CSMD1: variants seen among roughly 807,000 people sequenced by gnomAD.
CSMD1 encodes the protein CUB and Sushi multiple domains 1, also known as CUB and sushi domain-containing protein 1.
A neutral mutation model predicts 417.5 loss-of-function variants in CSMD1; 213 were observed. The ratio of observed to expected loss-of-function variants is 0.51; its 90% CI spans 0.46 to 0.57. CSMD1 has a LOEUF of 0.57. Ranked by LOEUF, CSMD1 falls within the 20% of genes least tolerant of loss-of-function variation. The pLI is 0.00. For synonymous variants in CSMD1, 2,862 were observed against 1,736.8 expected (o/e 1.65, Z -16.11); for missense variants, 6,923 against 4,529.7 (o/e 1.53, Z -15.17).
chr8:3,993,736 G>C (rs113151899), intron 5 of CSMD1, among the ~76,000 whole-genome samples: 4 of 152,160 alleles, frequency 2.6e-5, no homozygotes, highest in African/African-American at 7.2e-5. Flanking sequence ...AATCCAAAGC[G>C]GAAGAAATGT....
intron 3 of CSMD1, among the ~76,000 whole-genome samples, chr8:4,091,666 G>C (rs983577753): frequency 4.6e-5 from 7 of 152,098 alleles, no homozygotes; most frequent in African/African-American, 1.7e-4. Flanking sequence ...CAAAATCAAT[G>C]CTCACTCCCT....
intron 37 of CSMD1, among the ~76,000 whole-genome samples, chr8:3,173,700 A>C (rs1820726678): frequency 6.6e-6 from 1 of 152,164 alleles, no homozygotes; most frequent in African/African-American, 2.4e-5. Flanking sequence ...AATCTCTGTA[A>C]ACACACTCGC....
At chr8:3,537,897 CT>C (rs770733493) in intron 10 of CSMD1, among the ~76,000 whole-genome samples, 1 of 152,140 alleles carries the variant, frequency 6.6e-6, no homozygotes, top group Non-Finnish European at 1.5e-5. Context: ...GTTGATGTTC[CT>C]TTTACTTCTC....
At chr8:3,007,964 T>A (rs1475434011) in intron 52 of CSMD1, among the ~76,000 whole-genome samples, 1 of 152,054 alleles carries the variant, frequency 6.6e-6, no homozygotes, top group Non-Finnish European at 1.5e-5. Context: ...TTTGTTACTG[T>A]TTGTAATTAT....
chr8:4,645,142 G>T (rs1033786509), intron 1 of CSMD1, among the ~76,000 whole-genome samples: 10 of 152,048 alleles, frequency 6.6e-5, no homozygotes, highest in Non-Finnish European at 1.0e-4. Flanking sequence ...CTGCTTTATG[G>T]GAAGCTAATT....
At chr8:4,433,735 CATTT>C (rs764004443) in intron 2 of CSMD1, among the ~76,000 whole-genome samples, 4 of 152,158 alleles carry the variant, frequency 2.6e-5, no homozygotes, top group Non-Finnish European at 4.4e-5. Flanking sequence ...TGAAAAATAA[CATTT>C]ATTTCCTACA....
intron 1 of CSMD1, among the ~76,000 whole-genome samples, chr8:4,652,716 C>G (rs1178962303): frequency 6.6e-6 from 1 of 152,106 alleles, no homozygotes; most frequent in African/African-American, 2.4e-5. Flanking sequence ...AGCGCAGTGA[C>G]AAGCTCTAGA....
In CSMD1 at chr8:3,189,958, C is replaced by G; in HGVS notation, c.5352G>C (p.Val1784=). 1 of 1,597,836 alleles carries G rather than the reference C, an allele frequency of 6.3e-7. No homozygotes were observed. The highest frequency in any genetic ancestry group is 1.1e-5 in the South Asian group (1 of 87,636). Residue 1784 remains valine, a synonymous_variant, in exon 34 of 70, where the codon GTG becomes GTC. Coordinates refer to ENST00000635120, the MANE Select transcript of CSMD1 (RefSeq NM_033225.6). ...QGSTALHCQS[V]PNALAQWNDT... ...CGTTCCACTGTGCCAAGGCGTTGGGCACGGACTGGCAGTGGAGCGCCGTGG... is the reference window on the plus strand; with the variant it reads ...CGTTCCACTGTGCCAAGGCGTTGGGGACGGACTGGCAGTGGAGCGCCGTGG...
At chr8:2,951,407 G>A (rs958653248) in intron 65 of CSMD1, 132 bp from the exon 66 acceptor site, 12 of 902,110 alleles carry the variant, frequency 1.3e-5, no homozygotes, top group Non-Finnish European at 1.8e-5. Context: ...GACAAGAGGA[G>A]CCTAGTGCAT....
At chr8:4,206,206 T>C (rs539209517) in intron 3 of CSMD1, among the ~76,000 whole-genome samples, 4 of 152,314 alleles carry the variant, frequency 2.6e-5, no homozygotes, top group South Asian at 4.1e-4. Flanking sequence ...TTTTTCTTTT[T>C]TTAAATACTT....
At chr8:2,989,729 AG>A (rs1806215459) in intron 54 of CSMD1, among the ~76,000 whole-genome samples, 1 of 152,194 alleles carries the variant, frequency 6.6e-6, no homozygotes, top group Admixed American at 6.5e-5. Flanking sequence ...ATAAATTAGA[AG>A]AAAGTGGAAC....
intron 1 of CSMD1, among the ~76,000 whole-genome samples, chr8:4,963,916 C>A (rs1228886244): frequency 3.3e-5 from 5 of 152,080 alleles, no homozygotes; most frequent in Non-Finnish European, 7.3e-5. Flanking sequence ...TTATACACCT[C>A]ACTTACTAGT....
intron 42 of CSMD1, among the ~76,000 whole-genome samples, chr8:3,116,344 G>A (rs1261478260): frequency 1.4e-5 from 2 of 147,426 alleles, no homozygotes; most frequent in Non-Finnish European, 2.9e-5. Context: ...GTTTAGTAAA[G>A]AACTTGGCAT....
chr8:4,603,099 T>C (rs573298329), intron 2 of CSMD1, among the ~76,000 whole-genome samples: 5 of 152,124 alleles, frequency 3.3e-5, no homozygotes, highest in Non-Finnish European at 5.9e-5. Context: ...ATAAAAATTA[T>C]ATGATGAGAA....
chr8:4,648,438 A>G (rs531675241), intron 1 of CSMD1, among the ~76,000 whole-genome samples: 1 of 152,220 alleles, frequency 6.6e-6, no homozygotes, highest in South Asian at 2.1e-4. Context: ...AGTCCACACC[A>G]CAAGGGCATG....
At chr8:4,083,727 C>T (rs2130822252) in intron 3 of CSMD1, among the ~76,000 whole-genome samples, 1 of 152,182 alleles carries the variant, frequency 6.6e-6, no homozygotes, top group East Asian at 1.9e-4. Context: ...AGACCTAAAG[C>T]CATAAAAACC....
At chr8:4,739,588 C>T (rs182771079) in intron 1 of CSMD1, among the ~76,000 whole-genome samples, 16 of 152,268 alleles carry the variant, frequency 1.1e-4, no homozygotes, top group African/African-American at 3.1e-4. Flanking sequence ...GAGAACAGGT[C>T]TCCTTTGGGT....
At chr8:3,431,507 T>C (rs1316191576) in intron 12 of CSMD1, among the ~76,000 whole-genome samples, 6 of 152,146 alleles carry the variant, frequency 3.9e-5, no homozygotes, top group Non-Finnish European at 8.8e-5. Context: ...ACCCATCCCA[T>C]CCCCATGCCT....
At chr8:3,182,622 G>C (rs1307606617) in intron 36 of CSMD1, among the ~76,000 whole-genome samples, 2 of 56,814 alleles carry the variant, frequency 3.5e-5, no homozygotes, top group Non-Finnish European at 9.6e-5. Flanking sequence ...GTGTGTGTGT[G>C]TGTGTGTGTG....
Sources: allele counts gnomAD v4.1 joint callset (sites outside exome capture counted in the v4.1 genomes callset), GRCh38; gene constraint gnomAD v4.1.1; transcripts MANE v1.5; gene names NCBI Gene and HGNC (gene_info 2026-07-23, HGNC 2026-07-21).